XPOT: variants seen among roughly 807,000 people sequenced by gnomAD.
XPOT encodes exportin for tRNA, also known as exportin-T.
XPOT carries 34 observed loss-of-function variants against 128.2 expected under a neutral mutation model. The observed-to-expected ratio is 0.27, with a 90% CI of 0.20 to 0.35. XPOT has a LOEUF of 0.35. Among genes scored for constraint, XPOT ranks in the 10% least tolerant of loss-of-function variants. The pLI is 1.00. For missense variants in XPOT, 838 were observed against 1,125.3 expected (o/e 0.74, Z 3.65); for synonymous variants, 348 against 394.3 (o/e 0.88, Z 1.39).
intron 24 of XPOT, 35 bp from the exon 25 acceptor site, chr12:64,448,070 C>T: frequency 6.3e-7 from 1 of 1,595,892 alleles, no homozygotes; most frequent in Non-Finnish European, 8.6e-7. Context: ...TATCTTCTGA[C>T]ATTAGTATTG....
intron 22 of XPOT, among the ~76,000 whole-genome samples, chr12:64,437,773 A>G (rs886941098): frequency 3.3e-5 from 5 of 152,212 alleles, no homozygotes; most frequent in East Asian, 1.9e-4. Flanking sequence ...TTCTAAGACC[A>G]GAACAGAAAG....
At chr12:64,435,594 A>G (rs1424515334) in intron 21 of XPOT, 33 bp from the exon 22 acceptor site, 1 of 1,572,154 alleles carries the variant, frequency 6.4e-7, no homozygotes, top group South Asian at 1.2e-5. Context: ...CAAGAATTGA[A>G]TATATAGAAA....
chr12:64,427,877 T>C (rs2040206158), intron 15 of XPOT, among the ~76,000 whole-genome samples, 174 bp from the exon 16 acceptor site: 1 of 152,218 alleles, frequency 6.6e-6, no homozygotes, highest in Non-Finnish European at 1.5e-5. Flanking sequence ...GACAATCTTA[T>C]CACTACAGAG....
At chr12:64,433,275 C>G (rs1170125173) in intron 18 of XPOT, 139 bp from the exon 19 acceptor site, 6 of 820,978 alleles carry the variant, frequency 7.3e-6, no homozygotes, top group Non-Finnish European at 9.1e-6. Flanking sequence ...TAGATTTTAT[C>G]TTAAAATTGA....
At chr12:64,442,066 A>C (rs745617162) in intron 23 of XPOT, among the ~76,000 whole-genome samples, 1 of 151,806 alleles carries the variant, frequency 6.6e-6, no homozygotes, top group Non-Finnish European at 1.5e-5. Flanking sequence ...GTCATTTTAC[A>C]TAATGTGTAA....
Position 64,431,885 on chromosome 12 carries a change from A to G in XPOT, c.2262+62A>G, listed in dbSNP as rs368935666. On this transcript the variant is annotated intron_variant, in intron 18 of 24. Transcript: ENST00000332707. The stretch of plus-strand genomic sequence containing the variant: ...AGATCAGATGTATTTATCTTCAGAC[A>G]TGTTTCGGATTTTGCCCTTGGGTTT... 6 of 1,527,850 alleles carry G rather than the reference A, an allele frequency of 3.9e-6. No individual in the cohort carries two copies. In the East Asian group the frequency reaches 6.8e-5, roughly 17 times the overall value. 94.6% of individuals were successfully genotyped at this position (1,527,850 alleles called of 1,614,324 possible).
chr12:64,446,939 G>A (rs556893728), intron 24 of XPOT, among the ~76,000 whole-genome samples: 15 of 152,224 alleles, frequency 9.9e-5, no homozygotes, highest in South Asian at 2.1e-4. Flanking sequence ...AGACATACCC[G>A]AGACTGGGCA....
At chr12:64,422,535 A>G (rs890804972) in intron 9 of XPOT, among the ~76,000 whole-genome samples, 1 of 152,214 alleles carries the variant, frequency 6.6e-6, no homozygotes, top group Admixed American at 6.5e-5. Context: ...TAGGTTAGGT[A>G]TATTTTAAAT....
chr12:64,405,752 C>G (rs2039974756), intron 1 of XPOT, among the ~76,000 whole-genome samples: 3 of 151,774 alleles, frequency 2.0e-5, no homozygotes. Context: ...CCGAGTAGCT[C>G]TATTACAGGT....
At chr12:64,405,152 C>T (rs2039966814) in intron 1 of XPOT, 1 of 152,320 alleles carries the variant, frequency 6.6e-6, no homozygotes, top group Non-Finnish European at 1.5e-5. Context: ...GCCCGTTAGT[C>T]ATCGTTGTAG....
At chr12:64,410,221 G>T in intron 2 of XPOT, 126 bp downstream of exon 2, 1 of 760,066 alleles carries the variant, frequency 1.3e-6, no homozygotes, top group Non-Finnish European at 2.1e-6. Context: ...AAAAATTTGA[G>T]GTATTTGAAT....
chr12:64,431,911 C>T (rs2040242166), intron 18 of XPOT, 88 bp downstream of exon 18: 2 of 1,376,354 alleles, frequency 1.5e-6, no homozygotes, highest in Non-Finnish European at 2.0e-6. Flanking sequence ...CCTTGGGTTT[C>T]TTTTTTTTTG....
At chr12:64,409,847 T>G in intron 1 of XPOT, 115 bp from the exon 2 acceptor site, 1 of 533,856 alleles carries the variant, frequency 1.9e-6, no homozygotes, top group Non-Finnish European at 3.3e-6. Flanking sequence ...AGTTCCAAAA[T>G]AAGTTTTTAA....
intron 23 of XPOT, 35 bp from the exon 24 acceptor site, chr12:64,445,038 ATT>A: frequency 4.5e-6 from 7 of 1,561,114 alleles, no homozygotes; most frequent in Non-Finnish European, 6.1e-6. Flanking sequence ...ATACAAATAC[ATT>A]TGTTCTTTTT....
intron 6 of XPOT, among the ~76,000 whole-genome samples, chr12:64,419,750 G>A (rs1016263174): frequency 5.3e-5 from 8 of 152,208 alleles, no homozygotes; most frequent in African/African-American, 1.4e-4. Context: ...GGAGTTGTCC[G>A]TGTTGCTACT....
At chr12:64,412,277 A>T (rs2040045306) in intron 2 of XPOT, among the ~76,000 whole-genome samples, 1 of 152,060 alleles carries the variant, frequency 6.6e-6, no homozygotes, top group Non-Finnish European at 1.5e-5. Flanking sequence ...TCCCTGCCTC[A>T]GCCTCCCAAA....
At chr12:64,422,965 C>A in intron 9 of XPOT, 40 bp from the exon 10 acceptor site, 3 of 1,573,586 alleles carry the variant, frequency 1.9e-6, no homozygotes, top group Non-Finnish European at 2.6e-6. Flanking sequence ...GCAGGTATAA[C>A]TTTAGAAAAC....
chr12:64,420,631 C>T, intron 8 of XPOT, 110 bp downstream of exon 8: 1 of 836,536 alleles, frequency 1.2e-6, no homozygotes, highest in South Asian at 2.0e-5. Flanking sequence ...TATAAACTCC[C>T]CTTGAGATTA....
Position 64,445,129 on chromosome 12 carries a change from AAGGT to A in XPOT, c.2862+4_2862+7del. 6.2e-7 allele frequency: 1 copy of A among 1,610,106 alleles called. No individual in the cohort carries two copies. Among genetic ancestry groups the A allele is most frequent in the Non-Finnish European group, 8.5e-7 (1 of 1,177,882 alleles). ...TGCTAAAGTTTTTAAAAATTACTTAAAGGTAGGTATTTGTGAAGCTCACGTATCT... is the reference window on the plus strand; with the variant it reads ...TGCTAAAGTTTTTAAAAATTACTTAAAGGTATTTGTGAAGCTCACGTATCT... On this transcript the variant is annotated splice_donor_variant and coding_sequence_variant, in exon 24 of 25. Coordinates refer to ENST00000332707, the MANE Select transcript of XPOT (RefSeq NM_007235.6). LOFTEE classifies it high-confidence loss of function.
Sources: allele counts gnomAD v4.1 joint callset (sites outside exome capture counted in the v4.1 genomes callset), GRCh38; gene constraint gnomAD v4.1.1; transcripts MANE v1.5; gene names NCBI Gene and HGNC (gene_info 2026-07-23, HGNC 2026-07-21).